The following TMEM267 variants were observed in gnomAD, a reference collection of about 807,000 sequenced individuals.
TMEM267 encodes transmembrane protein C5orf28.
A neutral mutation model predicts 19.3 loss-of-function variants in TMEM267; 20 were observed. The observed-to-expected ratio is 1.04, with a 90% CI of 0.73 to 1.51. The LOEUF (loss-of-function observed/expected upper bound fraction) is 1.51, where lower values mean the gene tolerates loss of function less well. TMEM267 is among the 40% of genes most tolerant of loss of function. The probability of loss-of-function intolerance (pLI) is 0.00; values close to 1 mark genes in which losing one functional copy is unlikely to be tolerated. For missense variants in TMEM267, 242 were observed against 261.9 expected, an observed-to-expected ratio of 0.92 and a Z score of 0.52; for synonymous variants, 88 against 90.3, an observed-to-expected ratio of 0.97 and a Z score of 0.15.
intron 1 of TMEM267, among the ~76,000 whole-genome samples, chr5:43,464,355 A>G (rs1176659364): frequency 6.6e-6 from 1 of 152,174 alleles, no homozygotes; most frequent in Non-Finnish European, 1.5e-5. Context: ...AGGAAGAATC[A>G]ATATCGTGAA....
chr5:43,473,961 C>A (rs534219592), intron 1 of TMEM267, among the ~76,000 whole-genome samples: 162 of 152,268 alleles, frequency 1.1e-3, no homozygotes, highest in Non-Finnish European at 9.1e-4. Context: ...AATAACACCA[C>A]ACATCTACAA....
At chr5:43,481,788 G>A (rs1361328599) in intron 1 of TMEM267, among the ~76,000 whole-genome samples, 3 of 151,980 alleles carry the variant, frequency 2.0e-5, no homozygotes, top group African/African-American at 7.2e-5. Context: ...GGCCAGAACC[G>A]CCAGCTAAGT....
At chr5:43,477,635 T>A (rs1035755647) in intron 1 of TMEM267, among the ~76,000 whole-genome samples, 1 of 149,686 alleles carries the variant, frequency 6.7e-6, no homozygotes, top group African/African-American at 2.5e-5. Flanking sequence ...ACTGGTCCGA[T>A]GAAGATCTCC....
At chr5:43,480,619 G>C (rs887730741) in intron 1 of TMEM267, among the ~76,000 whole-genome samples, 4 of 151,546 alleles carry the variant, frequency 2.6e-5, no homozygotes, top group African/African-American at 9.7e-5. Context: ...CACTGAGCCT[G>C]ACCCAATTAC....
Position 43,453,884 on chromosome 5 carries a change from A to G in TMEM267, c.86T>C (p.Phe29Ser). The G allele has an allele frequency of 6.2e-7, 1 of 1,614,058 alleles. No individual in the cohort carries two copies. Among genetic ancestry groups the G allele is most frequent in the Non-Finnish European group, 8.5e-7 (1 of 1,179,988 alleles). Reference protein sequence around the residue: ...SLISSLGLGAFCLVADRLLQF... With the variant: ...SLISSLGLGASCLVADRLLQF... ...AAGAAGTCTGTCAGCTACGAGGCAA[A>G]ATGCCCCCAGACCAAGGCTGGAAAT... Residue 29 changes from phenylalanine (F) to serine (S), a missense_variant, in exon 2 of 3, where the codon TTT becomes TCT. By Grantham distance (155) the Phe-to-Ser change is radical. Transcript: ENST00000397080.
At chr5:43,455,828 T>C (rs527807500) in intron 1 of TMEM267, among the ~76,000 whole-genome samples, 1 of 152,258 alleles carries the variant, frequency 6.6e-6, no homozygotes, top group African/African-American at 2.4e-5. Flanking sequence ...GCTGGGATAA[T>C]AGGCGTGAGC....
intron 1 of TMEM267, among the ~76,000 whole-genome samples, chr5:43,473,959 C>T (rs1484157332): frequency 6.6e-6 from 1 of 152,120 alleles, no homozygotes; most frequent in African/African-American, 2.4e-5. Context: ...GAAATAACAC[C>T]ACACATCTAC....
intron 1 of TMEM267, among the ~76,000 whole-genome samples, chr5:43,464,569 C>T (rs540632496): frequency 0.021 from 3,183 of 152,294 alleles, 24 homozygotes; most frequent in African/African-American, 0.073. Context: ...TACAAGGCTA[C>T]AGTAACCAAA....
At chr5:43,449,090 T>C (rs186118444) in intron 2 of TMEM267, among the ~76,000 whole-genome samples, 26 of 152,032 alleles carry the variant, frequency 1.7e-4, no homozygotes, top group Admixed American at 3.9e-4. Context: ...AATGAAAGTT[T>C]AATAAGGCAC....
At chr5:43,457,141 G>A (rs942599013) in intron 1 of TMEM267, among the ~76,000 whole-genome samples, 4 of 152,126 alleles carry the variant, frequency 2.6e-5, no homozygotes, top group South Asian at 2.1e-4. Flanking sequence ...AGAACTGTGC[G>A]ACATAAAGGA....
At position 43,453,899 on chromosome 5, in the gene TMEM267, A is replaced by G; in HGVS notation, c.71T>C (p.Leu24Pro). 1 of 1,614,144 alleles carries G rather than the reference A, an allele frequency of 6.2e-7. No homozygotes were observed. The highest frequency in any genetic ancestry group is 8.5e-7 in the Non-Finnish European group (1 of 1,180,026). ...TACGAGGCAAAATGCCCCCAGACCA[A>G]GGCTGGAAATAAGAGATTCAGTGCT... ...TCSTESLISS[L>P]GLGAFCLVAD... The change falls in exon 2 of 3, where the codon CTT (leucine) becomes CCT (proline). Residue 24 changes from leucine (L) to proline (P), a missense_variant. Transcript: ENST00000397080.
At chr5:43,470,854 C>A (rs907832406) in intron 1 of TMEM267, among the ~76,000 whole-genome samples, 3 of 151,812 alleles carry the variant, frequency 2.0e-5, no homozygotes, top group African/African-American at 4.8e-5. Context: ...AAAGACGCGA[C>A]AAGAAAACTA....
chr5:43,463,651 T>C (rs139870748), intron 1 of TMEM267, among the ~76,000 whole-genome samples: 11,623 of 152,212 alleles, frequency 0.076, 777 homozygotes, highest in African/African-American at 0.18. Context: ...TGGTTCAATA[T>C]ACTCAAATCA....
intron 1 of TMEM267, among the ~76,000 whole-genome samples, chr5:43,468,493 G>A (rs946310176): frequency 6.6e-6 from 1 of 152,092 alleles, no homozygotes; most frequent in Non-Finnish European, 1.5e-5. Flanking sequence ...AAAAGGGAGA[G>A]TCTAAAAACA....
In TMEM267 at chr5:43,453,976, C is replaced by T; in HGVS notation, c.-7G>A. 1.9e-6 allele frequency: 3 copies of T among 1,611,576 alleles called. No individual in the cohort carries two copies. Among genetic ancestry groups the T allele is most frequent in the Non-Finnish European group, 2.5e-6 (3 of 1,178,400 alleles). On this transcript the variant is annotated 5_prime_UTR_variant, in exon 2 of 3. Transcript: ENST00000397080. ...TTTCAGTCTCGGATGCCATGACAAA[C>T]AATATGTTAGTATAGACTAAAAGCC... is the stretch of plus-strand genomic sequence containing the variant.
chr5:43,446,560 G>C lies in TMEM267; in HGVS notation c.313-3C>G. 1.3e-6 allele frequency: 2 copies of C among 1,593,418 alleles called. No homozygotes were observed. The highest frequency in any genetic ancestry group is 1.7e-6 in the Non-Finnish European group (2 of 1,167,252). On this transcript the variant is annotated splice_polypyrimidine_tract_variant and splice_region_variant and intron_variant, in intron 2 of 2. Coordinates refer to ENST00000397080, the MANE Select transcript of TMEM267 (RefSeq NM_022483.5). ...CTTCGCGGGAGAGTCAAAGCAGCCT[G>C]AGGGAGCAAAGTAATAGCGAGTATC...
At chr5:43,479,073 C>A (rs1055678294) in intron 1 of TMEM267, among the ~76,000 whole-genome samples, 1 of 150,622 alleles carries the variant, frequency 6.6e-6, no homozygotes, top group Non-Finnish European at 1.5e-5. Context: ...GCATTGTTTA[C>A]AAGAAAAATT....
chr5:43,461,270 C>A (rs192866067), intron 1 of TMEM267, among the ~76,000 whole-genome samples: 36 of 152,250 alleles, frequency 2.4e-4, no homozygotes, highest in Admixed American at 7.8e-4. Context: ...GGGACCTGAA[C>A]AACCAGCAGT....
At chr5:43,482,941 G>T (rs1261655415) in intron 1 of TMEM267, among the ~76,000 whole-genome samples, 1 of 152,020 alleles carries the variant, frequency 6.6e-6, no homozygotes, top group Non-Finnish European at 1.5e-5. Context: ...CTAAGTAAGT[G>T]TCATCTGTTT....
Sources: gnomAD v4.1 joint callset for allele counts (sites outside exome capture counted in the v4.1 genomes callset) on GRCh38, gnomAD v4.1.1 for gene constraint, MANE v1.5 for transcripts, NCBI Gene and HGNC (gene_info 2026-07-23, HGNC 2026-07-21) for gene names.